Variants in DDHD1 observed in about 807,000 individuals in gnomAD.
The protein encoded by DDHD1 is DDHD domain containing 1.
In DDHD1, 49 loss-of-function variants were observed where a neutral mutation model predicts 96.4. The observed-to-expected ratio is 0.51, with a 90% CI of 0.40 to 0.64. DDHD1 has a LOEUF of 0.64. Ranked by LOEUF, DDHD1 falls within the 30% of genes least tolerant of loss-of-function variation. The pLI is 0.00. For missense variants in DDHD1, 1,106 were observed against 1,161.2 expected (o/e 0.95, Z 0.69); for synonymous variants, 442 against 446.5 (o/e 0.99, Z 0.13).
intron 1 of DDHD1, among the ~76,000 whole-genome samples, chr14:53,142,089 A>G (rs1374028795): frequency 6.6e-6 from 1 of 152,254 alleles, no homozygotes; most frequent in African/African-American, 2.4e-5. Context: ...AACTCTTGGA[A>G]GCAGGAATGA....
chr14:53,105,363 C>A (rs919634839), intron 1 of DDHD1, among the ~76,000 whole-genome samples: 7 of 151,748 alleles, frequency 4.6e-5, no homozygotes, highest in Non-Finnish European at 8.8e-5. Context: ...TCTTGTCATA[C>A]CAGATTTGTA....
In DDHD1 at chr14:53,153,182, T is replaced by A; in HGVS notation, c.-84A>T. 1 of 1,174,626 alleles carries A rather than the reference T, an allele frequency of 8.5e-7. No homozygotes were observed. The highest frequency in any genetic ancestry group is 1.1e-6 in the Non-Finnish European group (1 of 903,186). 72.8% of individuals were successfully genotyped at this position (1,174,626 alleles called of 1,614,324 possible). Reference sequence around the variant, plus strand: ...CGCCACACATTCAACGCCGCCGCCCTCTCCACCCGAAGTTTCTAATCTTTC... The same window carrying A: ...CGCCACACATTCAACGCCGCCGCCCACTCCACCCGAAGTTTCTAATCTTTC... On this transcript the variant is annotated 5_prime_UTR_variant, in exon 1 of 13. Coordinates refer to ENST00000673822, the MANE Select transcript of DDHD1 (RefSeq NM_001160148.2).
In DDHD1 at chr14:53,103,709, ACTT is replaced by A. The variant is rs780662262; in HGVS notation, c.983_985del (p.Glu328del). ...ATCTTTTCCATCTATGGATTTTGAC[ACTT>A]CAATATCGAAATTTTCCTGCATCTG... On this transcript the variant is annotated inframe_deletion, in exon 2 of 13. Transcript: ENST00000673822. 2.5e-6 allele frequency: 4 copies of A among 1,611,920 alleles called. No individual in the cohort carries two copies. The highest frequency in any genetic ancestry group is 3.4e-6 in the Non-Finnish European group (4 of 1,179,428).
intron 1 of DDHD1, among the ~76,000 whole-genome samples, chr14:53,150,680 T>C (rs1280996837): frequency 6.6e-6 from 1 of 152,206 alleles, no homozygotes; most frequent in Non-Finnish European, 1.5e-5. Flanking sequence ...TAAGTCTTGG[T>C]ACTTCTATCT....
intron 7 of DDHD1, among the ~76,000 whole-genome samples, chr14:53,062,470 CTTATAA>C (rs1192673101): frequency 6.6e-6 from 1 of 151,724 alleles, no homozygotes; most frequent in African/African-American, 2.4e-5. Flanking sequence ...ATAATAAAAT[CTTATAA>C]TTATATAACA....
intron 1 of DDHD1, among the ~76,000 whole-genome samples, chr14:53,122,961 C>T (rs1030122830): frequency 2.6e-5 from 4 of 151,590 alleles, no homozygotes; most frequent in Non-Finnish European, 4.4e-5. Flanking sequence ...AGGAGAAACC[C>T]AAATAGTTAA....
In DDHD1 at chr14:53,118,707, G is replaced by A. The variant is rs561848001; in HGVS notation, c.839-14851C>T. ...TTGATTGGTGTACCAGAAAGTGACC[G>A]GGAGAATGGAACCAAGTTAGAAAAC... On this transcript the variant is annotated intron_variant, in intron 1 of 12. Coordinates refer to ENST00000673822, the MANE Select transcript of DDHD1 (RefSeq NM_001160148.2). Among the ~76,000 whole-genome samples the A allele has an allele frequency of 2.9e-3, 442 of 152,252 alleles. 2 individuals are homozygous for A. Among genetic ancestry groups the A allele is most frequent in the Non-Finnish European group, 4.8e-3 (327 of 68,018 alleles).
chr14:53,141,495 G>A (rs1890638385), intron 1 of DDHD1, among the ~76,000 whole-genome samples: 1 of 152,162 alleles, frequency 6.6e-6, no homozygotes, highest in African/African-American at 2.4e-5. Flanking sequence ...AAATCTCCAG[G>A]GATAAGATCT....
intron 4 of DDHD1, among the ~76,000 whole-genome samples, chr14:53,082,973 A>G (rs546772608): frequency 1.3e-5 from 2 of 152,316 alleles, no homozygotes; most frequent in East Asian, 1.9e-4. Flanking sequence ...GTGTATGCCT[A>G]AAGAAAATCT....
At chr14:53,129,462 C>T (rs571585517) in intron 1 of DDHD1, among the ~76,000 whole-genome samples, 12 of 151,874 alleles carry the variant, frequency 7.9e-5, no homozygotes, top group East Asian at 3.9e-4. Context: ...ACTCTGGTGC[C>T]GGTTACGGAC....
At chr14:53,074,341 AATTACAATTAGTATTAGT>A (rs1270614376) in intron 4 of DDHD1, among the ~76,000 whole-genome samples, 1 of 151,816 alleles carries the variant, frequency 6.6e-6, no homozygotes, top group African/African-American at 2.4e-5. Context: ...TTAGTATTAC[AATTACAATTAGTATTAGT>A]ATTACAATTA....
intron 1 of DDHD1, among the ~76,000 whole-genome samples, chr14:53,110,914 T>G (rs1051256431): frequency 6.6e-6 from 1 of 152,112 alleles, no homozygotes; most frequent in Non-Finnish European, 1.5e-5. Context: ...AGGCGGAGGC[T>G]GCAGTGAGCT....
At chr14:53,147,500 T>C (rs1489820993) in intron 1 of DDHD1, among the ~76,000 whole-genome samples, 1 of 152,198 alleles carries the variant, frequency 6.6e-6, no homozygotes, top group Non-Finnish European at 1.5e-5. Flanking sequence ...GTTTTTAAAG[T>C]AATGGTGCAT....
Position 53,037,173 on chromosome 14 carries a change from CTGT to C in DDHD1, c.*9592_*9594del, listed in dbSNP as rs1236399115. On this transcript the variant is annotated 3_prime_UTR_variant, in exon 13 of 13. Transcript: ENST00000673822. ...TACCACATTTTCTTTATCCAGTCCACTGTTGATGGGCAGCCACGTTGATCTGTC... is the reference window on the plus strand; with the variant it reads ...TACCACATTTTCTTTATCCAGTCCACTGATGGGCAGCCACGTTGATCTGTC... 1 of 152,138 alleles carries C rather than the reference CTGT, an allele frequency of 6.6e-6. No homozygotes were observed. Among genetic ancestry groups the C allele is most frequent in the African/African-American group, 2.4e-5 (1 of 41,434 alleles). 9.4% of individuals were successfully genotyped at this position (152,138 alleles called of 1,614,324 possible).
rs751840885 is a variant in DDHD1 at position 53,103,731 on chromosome 14, GC to G, written c.963del (p.Met321IlefsTer13). The G allele has an allele frequency of 2.5e-6, 4 of 1,612,448 alleles. No homozygotes were observed. The highest frequency in any genetic ancestry group is 3.4e-6 in the Non-Finnish European group (4 of 1,179,538). Reference sequence around the variant, plus strand: ...GACACTTCAATATCGAAATTTTCCTGCATCTGCTGGCCCCTAAAACAATTGA... The same window carrying G: ...GACACTTCAATATCGAAATTTTCCTGATCTGCTGGCCCCTAAAACAATTGA... ...EHLNCFRGQQ[M>X]QENFDIEVSK... On this transcript the variant is annotated frameshift_variant, in exon 2 of 13. Coordinates refer to ENST00000673822, the MANE Select transcript of DDHD1 (RefSeq NM_001160148.2). LOFTEE classifies it high-confidence loss of function.
intron 1 of DDHD1, among the ~76,000 whole-genome samples, chr14:53,104,957 C>A (rs1887577624): frequency 6.6e-6 from 1 of 151,828 alleles, no homozygotes; most frequent in East Asian, 1.9e-4. Flanking sequence ...ACATCTTAAA[C>A]CTTTTGCAAT....
chr14:53,062,254 G>T lies in DDHD1; in HGVS notation c.1766+689C>A, dbSNP rs533858712. On this transcript the variant is annotated intron_variant, in intron 7 of 12. Transcript: ENST00000673822. Reference sequence around the variant, plus strand: ...TGAAATCCTTAGTTAACATCTGTAAGACAAAAACAAAACTAGTAAAAATTT... The same window carrying T: ...TGAAATCCTTAGTTAACATCTGTAATACAAAAACAAAACTAGTAAAAATTT... Among the ~76,000 whole-genome samples, 189 of 151,840 alleles carry T rather than the reference G, an allele frequency of 1.2e-3. 1 individual carries two copies. Among genetic ancestry groups the T allele is most frequent in the Middle Eastern group, 3.4e-3 (1 of 294 alleles).
Position 53,046,607 on chromosome 14 carries a change from ACTT to A in DDHD1, c.*158_*160del, listed in dbSNP as rs142139070. ...GTAAATGACTTCTTCAGAACTGAAA[ACTT>A]CTTTTTTTTTTAAATAAAGTGCTTT... On this transcript the variant is annotated 3_prime_UTR_variant, in exon 13 of 13. Coordinates refer to ENST00000673822, the MANE Select transcript of DDHD1 (RefSeq NM_001160148.2). 17,086 of 467,758 alleles carry A rather than the reference ACTT, an allele frequency of 0.037. 1,201 individuals carry two copies. The highest frequency in any genetic ancestry group is 0.21 in the African/African-American group (10,550 of 49,160). 29.0% of individuals were successfully genotyped at this position (467,758 alleles called of 1,614,324 possible).
chr14:53,101,141 G>A (rs1349063242), intron 2 of DDHD1, among the ~76,000 whole-genome samples: 4 of 152,092 alleles, frequency 2.6e-5, no homozygotes, highest in African/African-American at 7.2e-5. Flanking sequence ...AACTAATGAA[G>A]TATAAAATTT....
Sources: gnomAD v4.1 joint callset for allele counts (sites outside exome capture counted in the v4.1 genomes callset) on GRCh38, gnomAD v4.1.1 for gene constraint, MANE v1.5 for transcripts, NCBI Gene and HGNC (gene_info 2026-07-23, HGNC 2026-07-21) for gene names.